Variants in B3GAT2 observed in about 807,000 individuals in gnomAD.
The protein encoded by B3GAT2 is galactosylgalactosylxylosylprotein 3-beta-glucuronosyltransferase 2.
A neutral mutation model predicts 27.8 loss-of-function variants in B3GAT2; 26 were observed. That is an observed-to-expected ratio of 0.93 (90% CI 0.68 to 1.30). The LOEUF is 1.30. Among genes scored for constraint, B3GAT2 ranks in the 50% most tolerant of loss-of-function variants. The probability of loss-of-function intolerance (pLI) is 0.00; values close to 1 mark genes in which losing one functional copy is unlikely to be tolerated. For synonymous variants in B3GAT2, 218 were observed against 195.1 expected (o/e 1.12, Z -0.98); for missense variants, 458 against 459.0 (o/e 1.00, Z 0.02).
chr6:70,891,679 G>A (rs941252947), intron 2 of B3GAT2, among the ~76,000 whole-genome samples: 3 of 152,046 alleles, frequency 2.0e-5, no homozygotes, highest in African/African-American at 7.3e-5. Context: ...GACAGACCCA[G>A]GCTCCAATAT....
intron 1 of B3GAT2, among the ~76,000 whole-genome samples, chr6:70,931,190 G>C (rs1164640754): frequency 6.6e-6 from 1 of 152,022 alleles, no homozygotes; most frequent in Non-Finnish European, 1.5e-5. Context: ...GTAGTGGGTT[G>C]GGGGGAGGGG....
At chr6:70,880,492 TA>T in intron 2 of B3GAT2, among the ~76,000 whole-genome samples, 1 of 152,076 alleles carries the variant, frequency 6.6e-6, no homozygotes, top group Non-Finnish European at 1.5e-5. Context: ...TAGGAACTTG[TA>T]TCCTGTTTCT....
intron 1 of B3GAT2, among the ~76,000 whole-genome samples, chr6:70,929,631 T>C (rs987260869): frequency 1.3e-5 from 2 of 152,106 alleles, no homozygotes; most frequent in Non-Finnish European, 2.9e-5. Context: ...GGAATCCAAC[T>C]TACAAGGGAT....
rs1175166505 is a variant in B3GAT2 at position 70,956,257 on chromosome 6, CCGCCCCTGCGG to C, written c.162_172del (p.Arg55ProfsTer100). On this transcript the variant is annotated frameshift_variant, in exon 1 of 4. Coordinates refer to ENST00000230053, the MANE Select transcript of B3GAT2 (RefSeq NM_080742.3). LOFTEE classifies it high-confidence loss of function. ...GCGCTTTTGGGTCCCGTGAGCCGGG[CCGCCCCTGCGG>C]AGCGGGAGTCGGGCGCCCCCGCGGC... 1 of 1,611,002 alleles carries C rather than the reference CCGCCCCTGCGG, an allele frequency of 6.2e-7. No homozygotes were observed. Among genetic ancestry groups the C allele is most frequent in the Admixed American group, 1.7e-5 (1 of 59,772 alleles).
At chr6:70,935,867 A>C (rs1387667581) in intron 1 of B3GAT2, among the ~76,000 whole-genome samples, 1 of 152,102 alleles carries the variant, frequency 6.6e-6, no homozygotes, top group Non-Finnish European at 1.5e-5. Context: ...TAACCAGCTA[A>C]CATCATAATG....
Position 70,857,685 on chromosome 6 carries a change from A to C in B3GAT2, c.*3978T>G. ...GGAAGATATTTTGTGTGGCTGTTGCATATGATTTACATTTCTTAATTAAAT... is the reference window on the plus strand; with the variant it reads ...GGAAGATATTTTGTGTGGCTGTTGCCTATGATTTACATTTCTTAATTAAAT... On this transcript the variant is annotated 3_prime_UTR_variant, in exon 4 of 4. Coordinates refer to ENST00000230053, the MANE Select transcript of B3GAT2 (RefSeq NM_080742.3). 2 of 522,904 alleles carry C rather than the reference A, an allele frequency of 3.8e-6. No individual in the cohort carries two copies. The highest frequency in any genetic ancestry group is 2.3e-5 in the South Asian group (1 of 43,738). 32.4% of individuals were successfully genotyped at this position (522,904 alleles called of 1,614,324 possible). A position where few individuals can be genotyped will look rare whatever the true frequency, so the allele number is the denominator to read the frequency against.
At chr6:70,879,172 C>T (rs143862174) in intron 2 of B3GAT2, among the ~76,000 whole-genome samples, 306 of 149,990 alleles carry the variant, frequency 2.0e-3, no homozygotes, top group African/African-American at 7.1e-3. Context: ...AAAGCGCTTT[C>T]CTTAAGTGAC....
intron 2 of B3GAT2, among the ~76,000 whole-genome samples, chr6:70,886,934 G>A (rs1461899702): frequency 6.6e-6 from 1 of 152,046 alleles, no homozygotes; most frequent in Non-Finnish European, 1.5e-5. Flanking sequence ...GTCCTCTCCC[G>A]GTGACAATCA....
At chr6:70,864,857 G>T (rs182279641) in intron 2 of B3GAT2, among the ~76,000 whole-genome samples, 1 of 151,838 alleles carries the variant, frequency 6.6e-6, no homozygotes, top group Non-Finnish European at 1.5e-5. Flanking sequence ...AGTGAGATTC[G>T]TTATCTTTAA....
chr6:70,867,107 GT>G (rs1771863609), intron 2 of B3GAT2, among the ~76,000 whole-genome samples: 1 of 152,130 alleles, frequency 6.6e-6, no homozygotes, highest in Non-Finnish European at 1.5e-5. Context: ...AAATGATAAA[GT>G]GGTTAACTGA....
intron 1 of B3GAT2, among the ~76,000 whole-genome samples, chr6:70,894,979 T>C (rs1342954207): frequency 6.6e-6 from 1 of 152,192 alleles, no homozygotes; most frequent in Non-Finnish European, 1.5e-5. Flanking sequence ...ACAAGAAAGC[T>C]TGCTGATATT....
intron 1 of B3GAT2, among the ~76,000 whole-genome samples, chr6:70,951,780 C>A (rs1178142108): frequency 1.3e-5 from 2 of 152,050 alleles, no homozygotes; most frequent in Admixed American, 1.3e-4. Context: ...AAAATTCTCA[C>A]ATTTTATCAG....
In B3GAT2 at chr6:70,859,692, T is replaced by C. The variant is rs1401045468; in HGVS notation, c.*1971A>G. The C allele has an allele frequency of 2.7e-5, 6 of 224,234 alleles. No individual in the cohort carries two copies. Among genetic ancestry groups the C allele is most frequent in the Non-Finnish European group, 5.2e-5 (6 of 115,948 alleles). The allele number at this position is 224,234 out of a possible 1,614,324, so 13.9% of individuals were successfully genotyped here. A position where few individuals can be genotyped will look rare whatever the true frequency, so the allele number is the denominator to read the frequency against. ...TTGAAGAAAAATACATGTAATCTTA[T>C]GCTTTATTGCATACAATGAAAATAA... On this transcript the variant is annotated 3_prime_UTR_variant, in exon 4 of 4. Coordinates refer to ENST00000230053, the MANE Select transcript of B3GAT2 (RefSeq NM_080742.3).
At chr6:70,944,262 C>A (rs1420208062) in intron 1 of B3GAT2, among the ~76,000 whole-genome samples, 1 of 152,154 alleles carries the variant, frequency 6.6e-6, no homozygotes, top group East Asian at 1.9e-4. Flanking sequence ...CAAGCGAAAG[C>A]AGGGCGAGGC....
intron 1 of B3GAT2, among the ~76,000 whole-genome samples, chr6:70,944,105 C>T (rs1331392272): frequency 6.6e-6 from 1 of 152,098 alleles, no homozygotes; most frequent in Admixed American, 6.5e-5. Context: ...CCACGATGGC[C>T]AAATAGGAAC....
intron 1 of B3GAT2, among the ~76,000 whole-genome samples, chr6:70,925,703 G>C (rs1772944598): frequency 6.6e-6 from 1 of 152,362 alleles, no homozygotes; most frequent in Non-Finnish European, 1.5e-5. Context: ...TGCCTCTGTA[G>C]ACTCCACTTC....
At chr6:70,916,254 T>A (rs761871312) in intron 1 of B3GAT2, among the ~76,000 whole-genome samples, 5 of 152,218 alleles carry the variant, frequency 3.3e-5, no homozygotes, top group Admixed American at 1.3e-4. Context: ...TGATTTTGTA[T>A]CCTGATACTT....
intron 2 of B3GAT2, among the ~76,000 whole-genome samples, chr6:70,887,503 G>A (rs1055939229): frequency 6.6e-6 from 1 of 152,104 alleles, no homozygotes; most frequent in African/African-American, 2.4e-5. Flanking sequence ...GGATAGTGCC[G>A]TCACTCAGCC....
At chr6:70,897,707 TAC>T (rs1310896257) in intron 1 of B3GAT2, among the ~76,000 whole-genome samples, 20 of 148,428 alleles carry the variant, frequency 1.3e-4, no homozygotes, top group Non-Finnish European at 2.7e-4. Context: ...AATTCAAGGT[TAC>T]AAGGGTTTTC....
Sources: allele counts gnomAD v4.1 joint callset (sites outside exome capture counted in the v4.1 genomes callset), GRCh38; gene constraint gnomAD v4.1.1; transcripts MANE v1.5; gene names NCBI Gene and HGNC (gene_info 2026-07-23, HGNC 2026-07-21).